Variants in SORCS2 observed in about 807,000 individuals in gnomAD.
SORCS2 encodes the protein sortilin related VPS10 domain containing receptor 2.
In SORCS2, 100 loss-of-function variants were observed where a neutral mutation model predicts 141.6. That is an observed-to-expected ratio of 0.71 (90% CI 0.60 to 0.83). The LOEUF (loss-of-function observed/expected upper bound fraction) is 0.83. Ranked by LOEUF, SORCS2 falls within the 40% of genes least tolerant of loss-of-function variation. The pLI is 0.00. For missense variants in SORCS2, 1,646 were observed against 1,560.2 expected, an observed-to-expected ratio of 1.05 and a Z score of -0.93; for synonymous variants, 789 against 676.9, an observed-to-expected ratio of 1.17 and a Z score of -2.57.
At chr4:7,320,850 A>G (rs1415447350) in intron 1 of SORCS2, among the ~76,000 whole-genome samples, 2 of 151,560 alleles carry the variant, frequency 1.3e-5, no homozygotes, top group East Asian at 1.9e-4. Flanking sequence ...GATGGGACCC[A>G]CCCTCCCTTC....
chr4:7,369,337 A>C (rs960071085), intron 1 of SORCS2, among the ~76,000 whole-genome samples: 3 of 152,074 alleles, frequency 2.0e-5, no homozygotes, highest in African/African-American at 7.2e-5. Context: ...AAAACACCAA[A>C]AACCTCTTTC....
intron 23 of SORCS2, among the ~76,000 whole-genome samples, chr4:7,731,517 T>A (rs1167843934): frequency 1.3e-5 from 2 of 152,218 alleles, no homozygotes; most frequent in South Asian, 4.1e-4. Context: ...AAAGCCATTT[T>A]GAGCAAAAAG....
chr4:7,225,983 A>G (rs529934353), intron 1 of SORCS2, among the ~76,000 whole-genome samples: 1 of 152,166 alleles, frequency 6.6e-6, no homozygotes, highest in South Asian at 2.1e-4. Context: ...GGAGGCAACA[A>G]AGGCCCTGTC....
chr4:7,623,529 G>A (rs940963329), intron 3 of SORCS2, among the ~76,000 whole-genome samples: 1 of 152,042 alleles, frequency 6.6e-6, no homozygotes, highest in Non-Finnish European at 1.5e-5. Context: ...AATGCCCAAG[G>A]TAGGAGCCGG....
intron 8 of SORCS2, among the ~76,000 whole-genome samples, chr4:7,675,537 C>T (rs1421185797): frequency 6.6e-6 from 1 of 152,242 alleles, no homozygotes; most frequent in African/African-American, 2.4e-5. Context: ...CCCCACTGCA[C>T]TCAGGGCCTT....
intron 1 of SORCS2, among the ~76,000 whole-genome samples, chr4:7,230,937 G>A (rs1272504823): frequency 1.3e-5 from 2 of 152,266 alleles, no homozygotes; most frequent in Non-Finnish European, 2.9e-5. Context: ...CAGTGCATTG[G>A]TCAGGGTTCT....
chr4:7,465,915 A>G (rs796886910), intron 2 of SORCS2, among the ~76,000 whole-genome samples: 42 of 152,270 alleles, frequency 2.8e-4, no homozygotes, highest in African/African-American at 9.9e-4. Flanking sequence ...ATGAGGAAAC[A>G]GAGGTGCAGA....
intron 1 of SORCS2, among the ~76,000 whole-genome samples, chr4:7,341,891 C>G (rs1720388614): frequency 6.6e-6 from 1 of 152,184 alleles, no homozygotes; most frequent in Admixed American, 6.5e-5. Context: ...CACCAAGCTG[C>G]TTTCTGTCTC....
At chr4:7,690,831 A>T (rs1724198343) in intron 11 of SORCS2, among the ~76,000 whole-genome samples, 1 of 152,242 alleles carries the variant, frequency 6.6e-6, no homozygotes, top group South Asian at 2.1e-4. Context: ...AGCACTTTTT[A>T]AAAAACCCAA....
At chr4:7,525,763 TC>T (rs201707258) in intron 2 of SORCS2, among the ~76,000 whole-genome samples, 154 of 95,544 alleles carry the variant, frequency 1.6e-3, no homozygotes, top group East Asian at 3.7e-3. Context: ...CCTCCTGCAA[TC>T]ACCTGTCCCC....
In SORCS2 at chr4:7,403,498, G is replaced by T. The variant is rs1055663746; in HGVS notation, c.548+7143G>T. ...GGGAGTACAGTTTGAGGAGGTTGGT[G>T]GGGTGGAGGGAAGGGAATGCTTCCT... is the stretch of plus-strand genomic sequence containing the variant. On this transcript the variant is annotated intron_variant, in intron 2 of 26. Transcript: ENST00000507866. Among the ~76,000 whole-genome samples, 5 of 152,262 alleles carry T rather than the reference G, an allele frequency of 3.3e-5. No individual in the cohort carries two copies. In the South Asian group the frequency reaches 6.2e-4, roughly 19 times the overall value.
intron 2 of SORCS2, among the ~76,000 whole-genome samples, chr4:7,460,308 T>C (rs1729215339): frequency 6.6e-6 from 1 of 152,220 alleles, no homozygotes; most frequent in Non-Finnish European, 1.5e-5. Context: ...ATCTTTCTGA[T>C]GGGGCCCACC....
At chr4:7,539,072 G>A (rs987242693) in intron 3 of SORCS2, among the ~76,000 whole-genome samples, 20 of 152,186 alleles carry the variant, frequency 1.3e-4, no homozygotes, top group African/African-American at 4.8e-4. Flanking sequence ...GTTTCCCCCA[G>A]GCCCCATAGC....
chr4:7,334,020 T>C (rs972420275), intron 1 of SORCS2, among the ~76,000 whole-genome samples: 1 of 152,084 alleles, frequency 6.6e-6, no homozygotes, highest in Admixed American at 6.5e-5. Flanking sequence ...ACTGGGACCT[T>C]GTCCAGCCTC....
chr4:7,195,693 G>A (rs1026203408), intron 1 of SORCS2, among the ~76,000 whole-genome samples: 3 of 152,172 alleles, frequency 2.0e-5, no homozygotes, highest in Non-Finnish European at 4.4e-5. Context: ...CTCAGCACAC[G>A]CCGTGTCTTA....
At chr4:7,379,898 A>G (rs973184560) in intron 1 of SORCS2, among the ~76,000 whole-genome samples, 3 of 152,224 alleles carry the variant, frequency 2.0e-5, no homozygotes, top group Non-Finnish European at 4.4e-5. Context: ...TTTTCTTAAA[A>G]TACTTCAGCT....
intron 3 of SORCS2, among the ~76,000 whole-genome samples, chr4:7,569,461 G>A (rs887914563): frequency 1.3e-5 from 2 of 152,236 alleles, no homozygotes; most frequent in Non-Finnish European, 2.9e-5. Context: ...GCGGTGAGCT[G>A]AGATCGCATT....
Position 7,735,787 on chromosome 4 carries a change from A to G in SORCS2, c.3312-1282A>G, listed in dbSNP as rs529188370. 1.1e-4 allele frequency among the ~76,000 whole-genome samples: 17 copies of G among 152,290 alleles called. 1 individual carries two copies. The South Asian group carries it at 3.1e-3, about 28-fold the overall frequency. On this transcript the variant is annotated intron_variant, in intron 25 of 26. Coordinates refer to ENST00000507866, the MANE Select transcript of SORCS2 (RefSeq NM_020777.3). ...TGCTGAGCAAATGACACTGTCCTCTACCAGGTGCCCAGGTCAGGAATCCCA... is the reference window on the plus strand; with the variant it reads ...TGCTGAGCAAATGACACTGTCCTCTGCCAGGTGCCCAGGTCAGGAATCCCA...
At chr4:7,579,839 C>T (rs191795050) in intron 3 of SORCS2, among the ~76,000 whole-genome samples, 1,632 of 152,172 alleles carry the variant, frequency 0.011, 13 homozygotes, top group Non-Finnish European at 0.015. Context: ...AAATTATACA[C>T]GTAGAAAGAA....
Sources: allele counts gnomAD v4.1 joint callset (sites outside exome capture counted in the v4.1 genomes callset), GRCh38; gene constraint gnomAD v4.1.1; transcripts MANE v1.5; gene names NCBI Gene and HGNC (gene_info 2026-07-23, HGNC 2026-07-21).